The following CLDN1 variants were observed in gnomAD, a reference collection of about 807,000 sequenced individuals.
CLDN1 encodes claudin 1.
A neutral mutation model predicts 22.6 loss-of-function variants in CLDN1; 12 were observed. That is an observed-to-expected ratio of 0.53 (90% confidence interval 0.34 to 0.86). The LOEUF (loss-of-function observed/expected upper bound fraction) is 0.86, where lower values mean the gene tolerates loss of function less well. CLDN1 is among the 40% of genes least tolerant of loss of function. The pLI is 0.02. For synonymous variants in CLDN1, 99 were observed against 103.8 expected (o/e 0.95, Z 0.28); for missense variants, 250 against 269.5 (o/e 0.93, Z 0.51).
At position 190,314,175 on chromosome 3, in the gene CLDN1, T is replaced by G. The variant is rs1716700671; in HGVS notation, c.224-1139A>C. Among the ~76,000 whole-genome samples the G allele has an allele frequency of 2.0e-5, 3 of 152,222 alleles. No homozygotes were observed. In the South Asian group the frequency reaches 6.2e-4, roughly 32 times the overall value. ...TCTTTATCCAGTGGATTGGAACAATTGACTCCTTGATGGTCTTTAAAAGTG... is the reference window on the plus strand; with the variant it reads ...TCTTTATCCAGTGGATTGGAACAATGGACTCCTTGATGGTCTTTAAAAGTG... On this transcript the variant is annotated intron_variant, in intron 1 of 3. Transcript: ENST00000295522.
rs200639282 is a variant in CLDN1 at position 190,308,420 on chromosome 3, G to C, written c.493C>G (p.Leu165Val). The change falls in exon 4 of 4, where the codon CTC (leucine) becomes GTC (valine). Residue 165 changes from leucine to valine, a missense_variant. Physicochemically the swap from Leu to Val is conservative, Grantham distance 32. Coordinates refer to ENST00000295522, the MANE Select transcript of CLDN1 (RefSeq NM_021101.5). ...GAAGCAGCAGCCCAGCCAGTGAAGA[G>C]AGCCTGACCAAATTCGTACCTAAAA... is the stretch of plus-strand genomic sequence containing the variant. ...VNARYEFGQA[L>V]FTGWAAASLC... is the part of the protein sequence containing the mutation. 66 of 1,613,676 alleles carry C rather than the reference G, an allele frequency of 4.1e-5. No homozygotes were observed. Among genetic ancestry groups the C allele is most frequent in the Non-Finnish European group, 4.8e-5 (57 of 1,179,768 alleles).
At chr3:190,319,809 C>T (rs1352153612) in intron 1 of CLDN1, among the ~76,000 whole-genome samples, 2 of 152,204 alleles carry the variant, frequency 1.3e-5, no homozygotes, top group Non-Finnish European at 2.9e-5. Context: ...GAATCACCAT[C>T]CCAGATCTCT....
At chr3:190,308,499 A>G in intron 3 of CLDN1, 60 bp from the exon 4 acceptor site, 1 of 1,488,558 alleles carries the variant, frequency 6.7e-7, no homozygotes, top group Non-Finnish European at 9.3e-7. Context: ...TTTCTAATAT[A>G]ATAAAAGGAA....
chr3:190,308,085 G>T lies in CLDN1; in HGVS notation c.*192C>A. ...AATCTTCCCTCCTATATTGAGGAAAGAAGATAAAATAAGATTAAGCCATGT... is the reference window on the plus strand; with the variant it reads ...AATCTTCCCTCCTATATTGAGGAAATAAGATAAAATAAGATTAAGCCATGT... On this transcript the variant is annotated 3_prime_UTR_variant, in exon 4 of 4. Coordinates refer to ENST00000295522, the MANE Select transcript of CLDN1 (RefSeq NM_021101.5). 1 of 628,066 alleles carries T rather than the reference G, an allele frequency of 1.6e-6. No homozygotes were observed. Among genetic ancestry groups the T allele is most frequent in the Non-Finnish European group, 2.7e-6 (1 of 365,480 alleles). 38.9% of individuals were successfully genotyped at this position (628,066 alleles called of 1,614,324 possible).
chr3:190,307,602 T>C lies in CLDN1; in HGVS notation c.*675A>G, dbSNP rs1464506849. On this transcript the variant is annotated 3_prime_UTR_variant, in exon 4 of 4. Transcript: ENST00000295522. The stretch of plus-strand genomic sequence containing the variant: ...AAACTAAAATGTAGGCTATGAAATG[T>C]GTTAGATTCAGGAGATAGAGACCAA... The C allele has an allele frequency of 6.6e-6, 1 of 152,158 alleles. No individual in the cohort carries two copies. Among genetic ancestry groups the C allele is most frequent in the Non-Finnish European group, 1.5e-5 (1 of 68,036 alleles). 9.4% of individuals were successfully genotyped at this position (152,158 alleles called of 1,614,324 possible).
intron 1 of CLDN1, among the ~76,000 whole-genome samples, chr3:190,314,254 G>T (rs1467689129): frequency 6.6e-6 from 1 of 152,200 alleles, no homozygotes; most frequent in Admixed American, 6.5e-5. Flanking sequence ...CCTAGGCTTA[G>T]TGTTAATATT....
rs966375629 is a variant in CLDN1, at chr3:190,321,849, A to G, written c.223+135T>C. The G allele has an allele frequency of 1.4e-5, 10 of 719,134 alleles. No individual in the cohort carries two copies. The African/African-American group carries it at 1.6e-4, about 11-fold the overall frequency. The allele number at this position is 719,134 out of a possible 1,614,324, so 44.5% of individuals were successfully genotyped here. ...CCAGGATTCTCTTCATTTCCTTATG[A>G]CAGAGCACATGATCAGAAGACTTGA... On this transcript the variant is annotated intron_variant, in intron 1 of 3. Transcript: ENST00000295522.
At chr3:190,320,476 T>C (rs1021222589) in intron 1 of CLDN1, among the ~76,000 whole-genome samples, 2 of 152,170 alleles carry the variant, frequency 1.3e-5, no homozygotes, top group African/African-American at 4.8e-5. Flanking sequence ...CTGAGGGCAA[T>C]GAGCAACACA....
chr3:190,308,657 C>T (rs1188095104), intron 3 of CLDN1, among the ~76,000 whole-genome samples: 1 of 152,086 alleles, frequency 6.6e-6, no homozygotes, highest in Non-Finnish European at 1.5e-5. Context: ...GGAAATAACA[C>T]ATGTAATACC....
At chr3:190,309,138 C>T (rs557766032) in intron 3 of CLDN1, among the ~76,000 whole-genome samples, 4 of 152,324 alleles carry the variant, frequency 2.6e-5, no homozygotes, top group African/African-American at 9.6e-5. Context: ...ACCTCTCAGC[C>T]TCAGTTTCTC....
At chr3:190,317,523 T>C (rs768812768) in intron 1 of CLDN1, among the ~76,000 whole-genome samples, 2 of 152,230 alleles carry the variant, frequency 1.3e-5, no homozygotes, top group African/African-American at 4.8e-5. Context: ...CAGACATATA[T>C]GTAATTTTTC....
At chr3:190,310,521 G>A (rs1716585023) in intron 2 of CLDN1, among the ~76,000 whole-genome samples, 1 of 152,070 alleles carries the variant, frequency 6.6e-6, no homozygotes, top group South Asian at 2.1e-4. Flanking sequence ...GAAACAATTA[G>A]GCAGGTGTAT....
chr3:190,316,477 G>A (rs935996930), intron 1 of CLDN1, among the ~76,000 whole-genome samples: 2 of 152,164 alleles, frequency 1.3e-5, no homozygotes, highest in Non-Finnish European at 2.9e-5. Context: ...CACAAGCAAG[G>A]CGTAGGTAAT....
rs1447655639 is a variant in CLDN1, at chr3:190,308,403, A to C, written c.510T>G (p.Ala170=). 1.9e-6 allele frequency: 3 copies of C among 1,613,656 alleles called. No homozygotes were observed. The highest frequency in any genetic ancestry group is 2.5e-6 in the Non-Finnish European group (3 of 1,179,828). The change falls in exon 4 of 4, where the codon GCT becomes GCG. Residue 170 remains alanine (A), a synonymous_variant. Coordinates refer to ENST00000295522, the MANE Select transcript of CLDN1 (RefSeq NM_021101.5). ...EFGQALFTGW[A]AASLCLLGGA... Reference sequence around the variant, plus strand: ...CTCCCAGAAGGCAGAGAGAAGCAGCAGCCCAGCCAGTGAAGAGAGCCTGAC... The same window carrying C: ...CTCCCAGAAGGCAGAGAGAAGCAGCCGCCCAGCCAGTGAAGAGAGCCTGAC...
chr3:190,307,146 A>G lies in CLDN1; in HGVS notation c.*1131T>C, dbSNP rs904991617. The stretch of plus-strand genomic sequence containing the variant: ...TCATTATCTCAATTTGGCAGATAGA[A>G]AAAAGAGGTAGAAAGATTAAGTGAC... On this transcript the variant is annotated 3_prime_UTR_variant, in exon 4 of 4. Transcript: ENST00000295522. 2.0e-5 allele frequency: 3 copies of G among 152,790 alleles called. No homozygotes were observed. The highest frequency in any genetic ancestry group is 2.1e-4 in the South Asian group (1 of 4,830). 9.5% of individuals were successfully genotyped at this position (152,790 alleles called of 1,614,324 possible).
rs1560077292 is a variant in CLDN1 at position 190,322,065 on chromosome 3, C to T, written c.142G>A (p.Glu48Lys). The T allele has an allele frequency of 1.2e-6, 2 of 1,614,224 alleles. No individual in the cohort carries two copies. Among genetic ancestry groups the T allele is most frequent in the South Asian group, 1.1e-5 (1 of 91,088 alleles). ...DNIVTAQAMY[E>K]GLWMSCVSQS... ...GACACGCAGGACATCCACAGCCCCTCGTACATGGCCTGGGCGGTCACGATG... is the reference window on the plus strand; with the variant it reads ...GACACGCAGGACATCCACAGCCCCTTGTACATGGCCTGGGCGGTCACGATG... The change falls in exon 1 of 4, where the codon GAG becomes AAG. Residue 48 changes from glutamate (E) to lysine (K), a missense_variant. Transcript: ENST00000295522.
At chr3:190,316,656 T>A (rs1289661708) in intron 1 of CLDN1, among the ~76,000 whole-genome samples, 2 of 152,214 alleles carry the variant, frequency 1.3e-5, no homozygotes, top group African/African-American at 2.4e-5. Context: ...AACTCCTGGA[T>A]GATTTGAGTC....
Position 190,320,074 on chromosome 3 carries a change from G to GT in CLDN1, c.223+1909_223+1910insA, listed in dbSNP as rs397841156. ...AGGAAGACATCTCTAAAGTGTGTGTGGGGGGGTAGGTATTTAGTCCTTTCA... is the reference window on the plus strand; with the variant it reads ...AGGAAGACATCTCTAAAGTGTGTGTGTGGGGGGTAGGTATTTAGTCCTTTCA... On this transcript the variant is annotated intron_variant, in intron 1 of 3. Coordinates refer to ENST00000295522, the MANE Select transcript of CLDN1 (RefSeq NM_021101.5). Among the ~76,000 whole-genome samples, 150 of 115,394 alleles carry GT rather than the reference G, an allele frequency of 1.3e-3. No individual in the cohort carries two copies. The Middle Eastern group carries it at 0.021, about 16-fold the overall frequency. The allele number at this position is 115,394 out of a possible 152,430, so 75.7% of individuals were successfully genotyped here.
rs1267076642 is a variant in CLDN1, at chr3:190,307,641, A to T, written c.*636T>A. Reference sequence around the variant, plus strand: ...GATAGAGACCAATGAAACACAAAACAAATAAGGGCTTAATAACGATGCAAG... The same window carrying T: ...GATAGAGACCAATGAAACACAAAACTAATAAGGGCTTAATAACGATGCAAG... On this transcript the variant is annotated 3_prime_UTR_variant, in exon 4 of 4. Coordinates refer to ENST00000295522, the MANE Select transcript of CLDN1 (RefSeq NM_021101.5). 1 of 152,236 alleles carries T rather than the reference A, an allele frequency of 6.6e-6. No individual in the cohort carries two copies. The highest frequency in any genetic ancestry group is 1.5e-5 in the Non-Finnish European group (1 of 68,056). The allele number at this position is 152,236 out of a possible 1,614,324, so 9.4% of individuals were successfully genotyped here.
Sources: gnomAD v4.1 joint callset for allele counts (sites outside exome capture counted in the v4.1 genomes callset) on GRCh38, gnomAD v4.1.1 for gene constraint, MANE v1.5 for transcripts, NCBI Gene and HGNC (gene_info 2026-07-23, HGNC 2026-07-21) for gene names.